Variants in GNA12 observed in about 807,000 individuals in gnomAD.
GNA12 encodes the protein guanine nucleotide-binding protein subunit alpha-12.
In GNA12, 9 loss-of-function variants were observed where a neutral mutation model predicts 26.0. The observed-to-expected ratio is 0.35, with a 90% CI of 0.21 to 0.60. The LOEUF (loss-of-function observed/expected upper bound fraction) is 0.60, where lower values mean the gene tolerates loss of function less well. Among genes scored for constraint, GNA12 ranks in the 20% least tolerant of loss-of-function variants. The probability of loss-of-function intolerance (pLI) is 0.78; values close to 1 mark genes in which losing one functional copy is unlikely to be tolerated. For missense variants in GNA12, 405 were observed against 525.8 expected (o/e 0.77, Z 2.25); for synonymous variants, 264 against 219.6 (o/e 1.20, Z -1.79).
chr7:2,816,172 T>C (rs183086578), intron 1 of GNA12, among the ~76,000 whole-genome samples: 1 of 151,748 alleles, frequency 6.6e-6, no homozygotes, highest in African/African-American at 2.4e-5. Flanking sequence ...AATGTGACGG[T>C]GGAAAGAAGT....
At chr7:2,794,667 G>A in intron 2 of GNA12, 2 of 495,304 alleles carry the variant, frequency 4.0e-6, no homozygotes, top group South Asian at 2.5e-5. Flanking sequence ...TTGTGCCAAT[G>A]CTGATGATTC....
chr7:2,841,582 G>C (rs1162883191), intron 1 of GNA12, among the ~76,000 whole-genome samples: 1 of 149,054 alleles, frequency 6.7e-6, no homozygotes, highest in Non-Finnish European at 1.5e-5. Flanking sequence ...CGAGAGGCTT[G>C]GAAAGAGGTA....
At chr7:2,757,686 T>C (rs1235844401) in intron 2 of GNA12, among the ~76,000 whole-genome samples, 1 of 152,180 alleles carries the variant, frequency 6.6e-6, no homozygotes, top group African/African-American at 2.4e-5. Context: ...TGGTAATCTT[T>C]TCATCCAGCA....
Position 2,729,182 on chromosome 7 carries a change from T to G in GNA12, c.*1999A>C, listed in dbSNP as rs112502260. 1.3e-5 allele frequency: 2 copies of G among 152,482 alleles called. No homozygotes were observed. Among genetic ancestry groups the G allele is most frequent in the African/African-American group, 2.4e-5 (1 of 41,596 alleles). 9.4% of individuals were successfully genotyped at this position (152,482 alleles called of 1,614,324 possible). A position where few individuals can be genotyped will look rare whatever the true frequency, so the allele number is the denominator to read the frequency against. Reference sequence around the variant, plus strand: ...CCGTTGGCGGAGGACCCGCTTGCACTTCCTCTGGGCTCTGGATTCTAACAC... The same window carrying G: ...CCGTTGGCGGAGGACCCGCTTGCACGTCCTCTGGGCTCTGGATTCTAACAC... On this transcript the variant is annotated 3_prime_UTR_variant, in exon 4 of 4. Transcript: ENST00000275364.
chr7:2,811,993 C>A (rs1309694230), intron 1 of GNA12, among the ~76,000 whole-genome samples: 1 of 152,236 alleles, frequency 6.6e-6, no homozygotes, highest in East Asian at 1.9e-4. Flanking sequence ...AGAGGCAGCA[C>A]CACAGCTTTC....
intron 2 of GNA12, among the ~76,000 whole-genome samples, chr7:2,785,180 G>C (rs17132685): frequency 0.019 from 2,931 of 152,262 alleles, 54 homozygotes; most frequent in Middle Eastern, 0.075. Flanking sequence ...TCCTGCTTCT[G>C]TATCCTCAGG....
In GNA12 at chr7:2,836,050, T is replaced by C. The variant is rs563923278; in HGVS notation, c.309+7803A>G. On this transcript the variant is annotated intron_variant, in intron 1 of 3. Transcript: ENST00000275364. ...AACATTTTATAATACTTAAAAAAAT[T>C]TGTTTAATAAACTTGATTATTGTTT... The C allele has an allele frequency of 3.9e-4, 104 of 264,526 alleles. 2 individuals are homozygous for C. The South Asian group carries it at 4.9e-3, about 13-fold the overall frequency. 16.4% of individuals were successfully genotyped at this position (264,526 alleles called of 1,614,324 possible). A position where few individuals can be genotyped will look rare whatever the true frequency, so the allele number is the denominator to read the frequency against.
chr7:2,799,408 C>T (rs957458340), intron 1 of GNA12, among the ~76,000 whole-genome samples: 10 of 152,092 alleles, frequency 6.6e-5, no homozygotes, highest in Non-Finnish European at 1.0e-4. Context: ...AGTGAGACCT[C>T]GTCTCTACAA....
chr7:2,826,397 C>T (rs1426162991), intron 1 of GNA12, among the ~76,000 whole-genome samples: 1 of 139,124 alleles, frequency 7.2e-6, no homozygotes, highest in African/African-American at 2.6e-5. Flanking sequence ...AAAAAAAAAC[C>T]AACAAAAGCA....
At chr7:2,784,653 A>G (rs1005811506) in intron 2 of GNA12, among the ~76,000 whole-genome samples, 4 of 152,270 alleles carry the variant, frequency 2.6e-5, no homozygotes, top group Admixed American at 1.3e-4. Flanking sequence ...ACTTTAATTT[A>G]TGTTTCCACA....
At chr7:2,836,530 A>G (rs963044453) in intron 1 of GNA12, among the ~76,000 whole-genome samples, 2 of 152,186 alleles carry the variant, frequency 1.3e-5, no homozygotes, top group East Asian at 1.9e-4. Context: ...AAAGGTACAG[A>G]GAAAAAGAAC....
intron 1 of GNA12, among the ~76,000 whole-genome samples, chr7:2,821,121 G>A (rs1398529185): frequency 6.6e-6 from 1 of 152,230 alleles, no homozygotes; most frequent in Non-Finnish European, 1.5e-5. Flanking sequence ...GGTGAAAGAT[G>A]CCAATCAATT....
intron 1 of GNA12, among the ~76,000 whole-genome samples, chr7:2,839,611 T>A (rs2114982042): frequency 6.6e-6 from 1 of 152,320 alleles, no homozygotes; most frequent in South Asian, 2.1e-4. Flanking sequence ...CTTGAACTCC[T>A]GGGTTCAAGC....
At chr7:2,768,898 G>T (rs1280614490) in intron 2 of GNA12, among the ~76,000 whole-genome samples, 1 of 152,150 alleles carries the variant, frequency 6.6e-6, no homozygotes, top group African/African-American at 2.4e-5. Flanking sequence ...TGTTTTCCAA[G>T]TTGGTTTTTA....
intron 2 of GNA12, among the ~76,000 whole-genome samples, chr7:2,758,455 C>T (rs749400409): frequency 3.9e-5 from 6 of 152,308 alleles, no homozygotes; most frequent in East Asian, 1.9e-4. Context: ...GGTTCTAAGA[C>T]GAGCCTCAAT....
intron 2 of GNA12, among the ~76,000 whole-genome samples, chr7:2,765,875 G>GCCCCC (rs71026552): frequency 3.4e-5 from 5 of 147,844 alleles, no homozygotes; most frequent in African/African-American, 7.6e-5. Context: ...GTGATCCAGG[G>GCCCCC]CCCCCCTCCC....
intron 1 of GNA12, among the ~76,000 whole-genome samples, chr7:2,805,010 C>T (rs1792910716): frequency 6.6e-6 from 1 of 152,140 alleles, no homozygotes. Context: ...GGTGGTGGCA[C>T]CCCCAGGCAG....
At position 2,844,289 on chromosome 7, in the gene GNA12, G is replaced by T; in HGVS notation, c.-128C>A. ...CTCGCCTCAGGCCGCGTCCGCCGCC[G>T]CCGCTGCAGTCGCTCCGAGGCCCGC... is the stretch of plus-strand genomic sequence containing the variant. On this transcript the variant is annotated 5_prime_UTR_variant, in exon 1 of 4. Transcript: ENST00000275364. The T allele has an allele frequency of 3.1e-6, 1 of 325,688 alleles. No homozygotes were observed. The highest frequency in any genetic ancestry group is 4.4e-6 in the Non-Finnish European group (1 of 228,228). 20.2% of individuals were successfully genotyped at this position (325,688 alleles called of 1,614,324 possible). A position where few individuals can be genotyped will look rare whatever the true frequency, so the allele number is the denominator to read the frequency against.
intron 2 of GNA12, among the ~76,000 whole-genome samples, chr7:2,782,902 T>G (rs1362788241): frequency 3.3e-5 from 5 of 152,254 alleles, no homozygotes; most frequent in African/African-American, 7.2e-5. Flanking sequence ...TACTAATACT[T>G]TGTTGCCTAA....
Sources: gnomAD v4.1 joint callset for allele counts (sites outside exome capture counted in the v4.1 genomes callset) on GRCh38, gnomAD v4.1.1 for gene constraint, MANE v1.5 for transcripts, NCBI Gene and HGNC (gene_info 2026-07-23, HGNC 2026-07-21) for gene names.